The following ZNF69 variants were observed in gnomAD, a reference collection of about 807,000 sequenced individuals.
ZNF69 encodes zinc finger protein 69.
ZNF69 carries 47 observed loss-of-function variants against 50.9 expected under a neutral mutation model. The ratio of observed to expected loss-of-function variants is 0.92; its 90% CI spans 0.73 to 1.18. The LOEUF (loss-of-function observed/expected upper bound fraction) is 1.18. Among genes scored for constraint, ZNF69 ranks in the 50% most tolerant of loss-of-function variants. The pLI is 0.00. For synonymous variants in ZNF69, 216 were observed against 223.1 expected (o/e 0.97, Z 0.29); for missense variants, 717 against 675.1 (o/e 1.06, Z -0.69).
the ZNF69 span, chr19:11,964,988 C>T: frequency 1.9e-6 from 1 of 528,088 alleles, no homozygotes; most frequent in South Asian, 2.1e-5. Context: ...ATCAGAGGTG[C>T]CGGGGCAGGG....
chr19:11,961,963 ATATT>A, the ZNF69 span, among the ~76,000 whole-genome samples: 1 of 151,468 alleles, frequency 6.6e-6, no homozygotes, highest in African/African-American at 2.4e-5. Flanking sequence ...ACACACATAT[ATATT>A]GTTTTCTTTT....
downstream of ZNF69, among the ~76,000 whole-genome samples, chr19:11,916,732 G>A (rs950668246): frequency 5.3e-5 from 8 of 152,158 alleles, no homozygotes; most frequent in Admixed American, 3.3e-4. Flanking sequence ...CTAATGGTTT[G>A]TGAGGTAAAT....
chr19:11,935,142 C>T, the ZNF69 span, among the ~76,000 whole-genome samples: 184 of 137,442 alleles, frequency 1.3e-3, 3 homozygotes, highest in Middle Eastern at 7.5e-3. Context: ...CACCACTGCA[C>T]TCCAGCCTGG....
downstream of ZNF69, among the ~76,000 whole-genome samples, chr19:11,909,774 CCT>C (rs1264299228): frequency 6.6e-6 from 1 of 151,626 alleles, no homozygotes; most frequent in East Asian, 1.9e-4. Flanking sequence ...ACAGGGATGC[CCT>C]CTCTCACCAC....
chr19:11,963,364 G>A, the ZNF69 span, among the ~76,000 whole-genome samples: 2 of 152,124 alleles, frequency 1.3e-5, no homozygotes, highest in Admixed American at 6.5e-5. Flanking sequence ...CAAAATGTTG[G>A]GATTACAGGC....
chr19:11,950,689 A>T, the ZNF69 span: 2 of 259,756 alleles, frequency 7.7e-6, no homozygotes, highest in African/African-American at 4.6e-5. Context: ...GTAAACAATT[A>T]TCATAAGTAT....
the ZNF69 span, among the ~76,000 whole-genome samples, chr19:11,938,327 T>C: frequency 5.3e-5 from 8 of 152,316 alleles, no homozygotes; most frequent in African/African-American, 1.9e-4. Context: ...GTTGGTGTGC[T>C]GCACCCATTA....
In ZNF69 at chr19:11,887,787, T is replaced by TA; in HGVS notation, c.-137_-136insA. On this transcript the variant is annotated 5_prime_UTR_variant, in exon 1 of 4. Transcript: ENST00000429654. Reference sequence around the variant, plus strand: ...ATTGTGGCGGGTCCCTGCCCACTGTTCCTCCAGACACTGAGGGGGTCGCAT... The same window carrying TA: ...ATTGTGGCGGGTCCCTGCCCACTGTTACCTCCAGACACTGAGGGGGTCGCAT... 1 of 595,196 alleles carries TA rather than the reference T, an allele frequency of 1.7e-6. No individual in the cohort carries two copies. Among genetic ancestry groups the TA allele is most frequent in the Non-Finnish European group, 2.8e-6 (1 of 351,160 alleles). The allele number at this position is 595,196 out of a possible 1,614,324, so 36.9% of individuals were successfully genotyped here. A position where few individuals can be genotyped will look rare whatever the true frequency, so the allele number is the denominator to read the frequency against.
intron 1 of ZNF69, 75 bp from the exon 2 acceptor site, chr19:11,903,498 T>A: frequency 6.3e-7 from 1 of 1,586,850 alleles, no homozygotes; most frequent in Non-Finnish European, 8.5e-7. Context: ...TCCTGAGAAC[T>A]TCTTGAGAAT....
the ZNF69 span, among the ~76,000 whole-genome samples, chr19:11,939,092 A>G: frequency 6.6e-6 from 1 of 152,030 alleles, no homozygotes; most frequent in Non-Finnish European, 1.5e-5. Context: ...TTTCTTGTAA[A>G]TTTGTTTAAG....
chr19:11,904,885 C>A lies in ZNF69; in HGVS notation c.488C>A (p.Pro163Gln), dbSNP rs1277247236. Residue 163 changes from proline to glutamine, a missense_variant, in exon 4 of 4, where the codon CCA (proline) becomes CAA (glutamine). Physicochemically the swap from Pro to Gln is moderately conservative, Grantham distance 76. Transcript: ENST00000429654. ...AYEYQEYGPKPCKCQQPKKAF... is the reference protein window; with the variant it reads ...AYEYQEYGPKQCKCQQPKKAF... ...GAGTATCAGGAATATGGACCGAAGC[C>A]ATGTAAGTGTCAACAACCTAAAAAA... is the stretch of plus-strand genomic sequence containing the variant. 2 of 1,614,156 alleles carry A rather than the reference C, an allele frequency of 1.2e-6. No homozygotes were observed. Among genetic ancestry groups the A allele is most frequent in the African/African-American group, 1.3e-5 (1 of 75,046 alleles).
the ZNF69 span, chr19:11,950,650 C>T: frequency 8.9e-6 from 3 of 335,638 alleles, no homozygotes; most frequent in South Asian, 6.2e-5. Flanking sequence ...TTCAGATCTG[C>T]CAAGATTCTT....
In ZNF69 at chr19:11,904,994, A is replaced by G. The variant is rs764049081; in HGVS notation, c.597A>G (p.Lys199=). Residue 199 remains lysine, a synonymous_variant, in exon 4 of 4, where the codon AAA becomes AAG. Coordinates refer to ENST00000429654, the MANE Select transcript of ZNF69 (RefSeq NM_001364730.1). ...EKPYACKECG[K]TFISHSSIQR... is the part of the protein sequence containing the mutation. ...CCTATGCTTGTAAAGAATGTGGAAA[A>G]ACTTTTATTTCCCATTCAAGCATTC... 6.2e-7 allele frequency: 1 copy of G among 1,614,136 alleles called. No homozygotes were observed. Among genetic ancestry groups the G allele is most frequent in the African/African-American group, 1.3e-5 (1 of 75,038 alleles).
At chr19:11,902,700 C>T (rs1275192836) in intron 1 of ZNF69, among the ~76,000 whole-genome samples, 3 of 151,220 alleles carry the variant, frequency 2.0e-5, no homozygotes, top group Non-Finnish European at 4.4e-5. Flanking sequence ...CCCCCTCCTG[C>T]TCTTTGCTAC....
the ZNF69 span, among the ~76,000 whole-genome samples, chr19:11,941,532 G>A: frequency 6.6e-6 from 1 of 152,222 alleles, no homozygotes; most frequent in Non-Finnish European, 1.5e-5. Context: ...TGCAGCCGCT[G>A]GCCCAGGTGC....
At chr19:11,964,989 CG>C in the ZNF69 span, 1 of 529,248 alleles carries the variant, frequency 1.9e-6, no homozygotes, top group South Asian at 2.1e-5. Context: ...TCAGAGGTGC[CG>C]GGGCAGGGCC....
At chr19:11,930,224 T>G in the ZNF69 span, among the ~76,000 whole-genome samples, 1 of 148,628 alleles carries the variant, frequency 6.7e-6, no homozygotes, top group African/African-American at 2.6e-5. Context: ...GCCAATCAGC[T>G]AATTGGATGT....
chr19:11,927,941 A>G, the ZNF69 span, among the ~76,000 whole-genome samples: 2 of 152,122 alleles, frequency 1.3e-5, no homozygotes, highest in Admixed American at 6.5e-5. Flanking sequence ...TATAGGCAAA[A>G]GGCAAATAAA....
chr19:11,967,703 CCT>C, the ZNF69 span, among the ~76,000 whole-genome samples: 1 of 152,074 alleles, frequency 6.6e-6, no homozygotes, highest in African/African-American at 2.4e-5. Context: ...ATGTCCGGCC[CCT>C]GTCTCTATTT....
Sources: gnomAD v4.1 joint callset for allele counts (sites outside exome capture counted in the v4.1 genomes callset) on GRCh38, gnomAD v4.1.1 for gene constraint, MANE v1.5 for transcripts, NCBI Gene and HGNC (gene_info 2026-07-23, HGNC 2026-07-21) for gene names.